The following TPCN1 variants were observed in gnomAD, a reference collection of about 807,000 sequenced individuals.
TPCN1 encodes two pore channel protein 1.
Under a neutral mutation model 108.8 loss-of-function variants are expected in TPCN1, and 52 were observed. That is an observed-to-expected ratio of 0.48 (90% CI 0.38 to 0.60). TPCN1 has a LOEUF of 0.60. TPCN1 is among the 20% of genes least tolerant of loss of function. The probability of loss-of-function intolerance (pLI) is 0.00; values close to 1 mark genes in which losing one functional copy is unlikely to be tolerated. For missense variants in TPCN1, 806 were observed against 1,072.8 expected (o/e 0.75, Z 3.47); for synonymous variants, 446 against 433.7 (o/e 1.03, Z -0.35).
rs747066533 is a variant in TPCN1 at position 113,291,866 on chromosome 12, C to T, written c.2029-8C>T. 14 of 1,613,400 alleles carry T rather than the reference C, an allele frequency of 8.7e-6. No individual in the cohort carries two copies. The highest frequency in any genetic ancestry group is 1.2e-5 in the Non-Finnish European group (14 of 1,179,426). ...TGCCTCTGCCCCTCCCTCCCTATCCCTGGCCAGGTGGTGATGACGATCATT... is the reference window on the plus strand; with the variant it reads ...TGCCTCTGCCCCTCCCTCCCTATCCTTGGCCAGGTGGTGATGACGATCATT... On this transcript the variant is annotated splice_polypyrimidine_tract_variant and splice_region_variant and intron_variant, in intron 24 of 27. Transcript: ENST00000335509.
rs1955331397 is a variant in TPCN1 at position 113,267,891 on chromosome 12, C to A, written c.463C>A (p.Leu155Ile). 1 of 1,614,062 alleles carries A rather than the reference C, an allele frequency of 6.2e-7. No individual in the cohort carries two copies. Reference sequence around the variant, plus strand: ...TGCCCTGATGGTGGTAGTGTTTGAACTCTGCATGAAGTTACGCTGGCTGGG... The same window carrying A: ...TGCCCTGATGGTGGTAGTGTTTGAAATCTGCATGAAGTTACGCTGGCTGGG... Reference protein sequence around the residue: ...LFALMVVVFELCMKLRWLGLH... With the variant: ...LFALMVVVFEICMKLRWLGLH... The change falls in exon 5 of 28, where the codon CTC (leucine) becomes ATC (isoleucine). Residue 155 changes from leucine (L) to isoleucine (I), a missense_variant. By Grantham distance (5) the Leu-to-Ile change is conservative. Coordinates refer to ENST00000335509, the MANE Select transcript of TPCN1 (RefSeq NM_017901.6).
At chr12:113,223,281 G>C (rs1350179503) in intron 1 of TPCN1, among the ~76,000 whole-genome samples, 1 of 152,202 alleles carries the variant, frequency 6.6e-6, no homozygotes, top group Non-Finnish European at 1.5e-5. Context: ...TTTGCTTGGA[G>C]TTGTTCCAAT....
intron 7 of TPCN1, among the ~76,000 whole-genome samples, chr12:113,270,446 G>A (rs1258961241): frequency 6.6e-6 from 1 of 151,950 alleles, no homozygotes; most frequent in East Asian, 1.9e-4. Flanking sequence ...GAAGGTGGGA[G>A]GCAGCTCTCT....
chr12:113,221,511 TCGGCGGCTG>T lies in TPCN1; in HGVS notation c.-230_-222del, dbSNP rs745680343. The stretch of plus-strand genomic sequence containing the variant: ...GGCAGTGGCTGAAGTGGCGGCGGCT[TCGGCGGCTG>T]CGGCGGCTGCAACAGCTTCGGGCTC... On this transcript the variant is annotated 5_prime_UTR_variant, in exon 1 of 28. Coordinates refer to ENST00000335509, the MANE Select transcript of TPCN1 (RefSeq NM_017901.6). The T allele has an allele frequency of 3.4e-4, 98 of 289,148 alleles. No individual in the cohort carries two copies. The highest frequency in any genetic ancestry group is 6.3e-4 in the Admixed American group (15 of 23,730). The allele number at this position is 289,148 out of a possible 1,614,324, so 17.9% of individuals were successfully genotyped here. A position where few individuals can be genotyped will look rare whatever the true frequency, so the allele number is the denominator to read the frequency against.
rs1236223617 is a variant in TPCN1, at chr12:113,224,675, C to G, written c.-125-2053C>G. On this transcript the variant is annotated intron_variant, in intron 1 of 27. Transcript: ENST00000335509. ...CCTCCCAAAGTGCTGGGATTACAGG[C>G]ATGAGCCACCGCGCCTGGCCGCATA... Among the ~76,000 whole-genome samples the G allele has an allele frequency of 7.9e-5, 12 of 152,002 alleles. No individual in the cohort carries two copies. The South Asian group carries it at 2.1e-3, about 26-fold the overall frequency.
In TPCN1 at chr12:113,272,161, C is replaced by T. The variant is rs1955525283; in HGVS notation, c.749-497C>T. Among the ~76,000 whole-genome samples, 2 of 152,180 alleles carry T rather than the reference C, an allele frequency of 1.3e-5. No homozygotes were observed. The highest frequency in any genetic ancestry group is 2.4e-5 in the African/African-American group (1 of 41,428). On this transcript the variant is annotated intron_variant, in intron 7 of 27. Transcript: ENST00000335509. This position sits in a 1 kb window ranked among gnomAD's most constrained non-coding sequence, Gnocchi z 4.1. The stretch of plus-strand genomic sequence containing the variant: ...AGGGCAGAGTTCCTCCCTTTTCCCA[C>T]TCAGGATTTCAGGGACTCAGGGAGT...
At chr12:113,226,228 T>C (rs1047068790) in intron 1 of TPCN1, among the ~76,000 whole-genome samples, 1 of 151,968 alleles carries the variant, frequency 6.6e-6, no homozygotes, top group African/African-American at 2.4e-5. Context: ...CCAATTTTTT[T>C]AAAAATTGAG....
At chr12:113,281,309 G>T (rs1211102161) in intron 15 of TPCN1, among the ~76,000 whole-genome samples, 1 of 152,076 alleles carries the variant, frequency 6.6e-6, no homozygotes, top group Non-Finnish European at 1.5e-5. Flanking sequence ...CAAAGTGCTG[G>T]GATTACAGGC....
At chr12:113,281,020 C>T (rs1471101404) in intron 15 of TPCN1, among the ~76,000 whole-genome samples, 57 of 152,088 alleles carry the variant, frequency 3.7e-4, no homozygotes, top group African/African-American at 1.3e-3. Flanking sequence ...ATGTGTAAGA[C>T]TGATTTCATC....
At position 113,296,739 on chromosome 12, in the gene TPCN1, C is replaced by T. The variant is rs919422645; in HGVS notation, c.*663C>T. The T allele has an allele frequency of 6.6e-6, 1 of 152,296 alleles. No homozygotes were observed. Among genetic ancestry groups the T allele is most frequent in the African/African-American group, 2.4e-5 (1 of 41,454 alleles). The allele number at this position is 152,296 out of a possible 1,614,324, so 9.4% of individuals were successfully genotyped here. On this transcript the variant is annotated 3_prime_UTR_variant, in exon 28 of 28. Coordinates refer to ENST00000335509, the MANE Select transcript of TPCN1 (RefSeq NM_017901.6). ...TCTCCTCCCTTGGCTCTGCAAGCCT[C>T]CCACCCAGCCTTCTCTGGCTTAACC...
chr12:113,246,585 G>C (rs184120179), intron 2 of TPCN1, among the ~76,000 whole-genome samples: 1 of 152,284 alleles, frequency 6.6e-6, no homozygotes, highest in South Asian at 2.1e-4. Flanking sequence ...TGTCCGGCCC[G>C]GTTGCCTCCC....
chr12:113,271,673 T>C (rs1309588419), intron 7 of TPCN1, among the ~76,000 whole-genome samples: 2 of 152,236 alleles, frequency 1.3e-5, no homozygotes, highest in African/African-American at 2.4e-5. Context: ...TTATCTGCTC[T>C]TCTGTCGGAC....
chr12:113,291,131 G>T (rs971818119), intron 23 of TPCN1, 133 bp downstream of exon 23: 22 of 888,694 alleles, frequency 2.5e-5, no homozygotes, highest in Non-Finnish European at 3.6e-5. Flanking sequence ...CTGTGTTGGT[G>T]TTCAGTGGGG....
At chr12:113,229,788 G>A (rs139201449) in intron 2 of TPCN1, among the ~76,000 whole-genome samples, 3 of 152,224 alleles carry the variant, frequency 2.0e-5, no homozygotes, top group Admixed American at 6.5e-5. Context: ...CACCACACCC[G>A]GCCCTGAGCA....
In TPCN1 at chr12:113,272,786, G is replaced by A. The variant is rs769607969; in HGVS notation, c.783+94G>A. 8.8e-6 allele frequency: 11 copies of A among 1,255,150 alleles called. No individual in the cohort carries two copies. The highest frequency in any genetic ancestry group is 1.5e-5 in the African/African-American group (1 of 67,288). 77.8% of individuals were successfully genotyped at this position (1,255,150 alleles called of 1,614,324 possible). On this transcript the variant is annotated intron_variant, in intron 8 of 27. Coordinates refer to ENST00000335509, the MANE Select transcript of TPCN1 (RefSeq NM_017901.6). The surrounding 1 kb of genome is among the most constrained non-coding windows in gnomAD (Gnocchi z 4.1). ...CGTGACCCTGTGGCCATATGGGGAA[G>A]GGGGGGCCTGCCTGGTTTCTCATCA... is the stretch of plus-strand genomic sequence containing the variant.
intron 7 of TPCN1, among the ~76,000 whole-genome samples, chr12:113,270,402 A>G (rs770753722): frequency 4.6e-5 from 7 of 151,666 alleles, no homozygotes; most frequent in Non-Finnish European, 1.0e-4. Flanking sequence ...CCTGATCCAT[A>G]GGTGGTGCCT....
At chr12:113,280,608 G>A (rs1310970894) in intron 15 of TPCN1, among the ~76,000 whole-genome samples, 1 of 152,210 alleles carries the variant, frequency 6.6e-6, no homozygotes, top group East Asian at 1.9e-4. Flanking sequence ...CAGTGTGGAA[G>A]CCACTGGCCA....
chr12:113,244,366 G>A, intron 2 of TPCN1: 1 of 985,474 alleles, frequency 1.0e-6, no homozygotes, highest in Non-Finnish European at 1.2e-6. Context: ...CTGAAGGTTG[G>A]TACATTTGCC....
At chr12:113,274,278 C>A (rs922982938) in intron 10 of TPCN1, among the ~76,000 whole-genome samples, 2 of 152,134 alleles carry the variant, frequency 1.3e-5, no homozygotes, top group African/African-American at 4.8e-5. Flanking sequence ...CATGGTGAAA[C>A]CCTGTCTCTA....
Sources: allele counts gnomAD v4.1 joint callset (sites outside exome capture counted in the v4.1 genomes callset), GRCh38; gene constraint gnomAD v4.1.1; non-coding constraint Gnocchi (gnomAD v3.1); transcripts MANE v1.5; gene names NCBI Gene and HGNC (gene_info 2026-07-23, HGNC 2026-07-21).